Variants in UPP2 observed in about 807,000 individuals in gnomAD.
The protein encoded by UPP2 is uridine phosphorylase 2.
In UPP2, 23 loss-of-function variants were observed where a neutral mutation model predicts 26.7. The observed-to-expected ratio is 0.86, with a 90% CI of 0.62 to 1.22. The LOEUF is 1.22. Among genes scored for constraint, UPP2 ranks in the 50% most tolerant of loss-of-function variants. The probability of loss-of-function intolerance (pLI) is 0.00; values close to 1 mark genes in which losing one functional copy is unlikely to be tolerated. For missense variants in UPP2, 387 were observed against 396.7 expected (o/e 0.98, Z 0.21); for synonymous variants, 127 against 141.3 (o/e 0.90, Z 0.72).
chr2:158,013,822 T>C (rs1207309026), intron 2 of UPP2, among the ~76,000 whole-genome samples: 1 of 152,206 alleles, frequency 6.6e-6, no homozygotes, highest in East Asian at 1.9e-4. Flanking sequence ...AAGAAAGCTT[T>C]GTGCGGCTTG....
intron 3 of UPP2, among the ~76,000 whole-genome samples, chr2:158,087,965 T>A (rs902183280): frequency 2.6e-5 from 4 of 152,168 alleles, no homozygotes; most frequent in African/African-American, 9.7e-5. Flanking sequence ...TATGCTGAGG[T>A]GATAGTCTTT....
intron 6 of UPP2, among the ~76,000 whole-genome samples, chr2:158,128,336 C>T (rs1683736298): frequency 6.6e-6 from 1 of 152,104 alleles, no homozygotes; most frequent in African/African-American, 2.4e-5. Context: ...TCTGCTGTTC[C>T]CAACAATGAA....
At chr2:158,128,491 C>T (rs530822592) in intron 6 of UPP2, among the ~76,000 whole-genome samples, 1 of 152,260 alleles carries the variant, frequency 6.6e-6, no homozygotes, top group South Asian at 2.1e-4. Context: ...AATCTTTAGG[C>T]CAGGGTACAA....
At chr2:158,105,008 AGGGG>A (rs1683159125) in intron 1 of UPP2, among the ~76,000 whole-genome samples, 1 of 4,680 alleles carries the variant, frequency 2.1e-4, no homozygotes. Context: ...AGGGGAGGGG[AGGGG>A]AGGGGAGGGG....
rs80184990 is a variant in UPP2 at position 158,123,718 on chromosome 2, A to G, written c.665-31A>G. 3.3e-3 allele frequency: 5,369 copies of G among 1,604,616 alleles called. 34 individuals carry two copies. Among genetic ancestry groups the G allele is most frequent in the Middle Eastern group, 0.026 (150 of 5,866 alleles). ...GCCACTGTCAGTGGGGTGGGACATC[A>G]AGTCACTAAACGTTCTCCCCTCCCT... On this transcript the variant is annotated intron_variant, in intron 5 of 6. Coordinates refer to ENST00000005756, the MANE Select transcript of UPP2 (RefSeq NM_173355.4).
intron 3 of UPP2, among the ~76,000 whole-genome samples, chr2:158,016,137 AACT>A (rs1255506930): frequency 6.7e-6 from 1 of 150,374 alleles, no homozygotes; most frequent in African/African-American, 2.5e-5. Flanking sequence ...AAAAAAAAAA[AACT>A]AACAGATTTT....
At chr2:158,073,553 C>T (rs145957055) in intron 3 of UPP2, among the ~76,000 whole-genome samples, 1 of 152,034 alleles carries the variant, frequency 6.6e-6, no homozygotes, top group Non-Finnish European at 1.5e-5. Context: ...TAATCAAACT[C>T]CCAAAGATCA....
intron 3 of UPP2, among the ~76,000 whole-genome samples, 164 bp from the exon 4 acceptor site, chr2:158,117,660 T>G (rs1683469339): frequency 6.6e-6 from 1 of 151,974 alleles, no homozygotes; most frequent in African/African-American, 2.4e-5. Context: ...GCATGTCATG[T>G]AGGTGCCAAT....
chr2:158,007,596 G>A (rs529265664), intron 2 of UPP2, among the ~76,000 whole-genome samples: 2 of 152,048 alleles, frequency 1.3e-5, no homozygotes, highest in African/African-American at 2.4e-5. Context: ...TTGCTAAGAG[G>A]AGCGTGGGTT....
intron 6 of UPP2, among the ~76,000 whole-genome samples, chr2:158,128,899 A>C (rs1683748649): frequency 1.3e-5 from 2 of 151,498 alleles, no homozygotes; most frequent in African/African-American, 4.9e-5. Context: ...CTTATTTTAT[A>C]GTATGCAGAG....
At chr2:158,016,146 A>AT (rs57865237) in intron 3 of UPP2, among the ~76,000 whole-genome samples, 16,645 of 149,124 alleles carry the variant, frequency 0.11, 1,231 homozygotes, top group East Asian at 0.29. Flanking sequence ...AAACTAACAG[A>AT]TTTTTTTTTT....
chr2:158,070,924 C>A (rs779324450), intron 3 of UPP2, among the ~76,000 whole-genome samples: 60 of 152,260 alleles, frequency 3.9e-4, no homozygotes, highest in Non-Finnish European at 7.6e-4. Context: ...TCTGCCATGG[C>A]AGAGAGCAAA....
intron 6 of UPP2, chr2:158,133,829 T>A (rs949271745): frequency 1.3e-5 from 2 of 152,218 alleles, no homozygotes; most frequent in Non-Finnish European, 2.9e-5. Flanking sequence ...CAATCACATA[T>A]GTACTGAAAT....
intron 2 of UPP2, among the ~76,000 whole-genome samples, chr2:158,014,943 T>C (rs907505339): frequency 7.2e-5 from 11 of 152,212 alleles, no homozygotes. Flanking sequence ...TTCTGATATG[T>C]AGGAAGCAGA....
intron 3 of UPP2, among the ~76,000 whole-genome samples, chr2:158,051,899 A>G (rs1175916492): frequency 6.6e-6 from 1 of 152,180 alleles, no homozygotes; most frequent in African/African-American, 2.4e-5. Flanking sequence ...TCTCATTCCC[A>G]TTCTGTGGAG....
At chr2:158,085,382 A>C (rs1210963535) in intron 3 of UPP2, among the ~76,000 whole-genome samples, 1 of 152,140 alleles carries the variant, frequency 6.6e-6, no homozygotes, top group South Asian at 2.1e-4. Flanking sequence ...TTCATTTATC[A>C]GTTCTAGGAA....
intron 3 of UPP2, among the ~76,000 whole-genome samples, chr2:158,068,431 T>C (rs79952191): frequency 0.027 from 4,058 of 152,196 alleles, 183 homozygotes; most frequent in African/African-American, 0.092. Flanking sequence ...TGATTTTATG[T>C]AAATGAGCAA....
intron 2 of UPP2, among the ~76,000 whole-genome samples, chr2:158,110,006 G>T (rs187295846): frequency 6.6e-6 from 1 of 152,024 alleles, no homozygotes; most frequent in Non-Finnish European, 1.5e-5. Flanking sequence ...TGGAAAAGAA[G>T]AAATATTTTT....
chr2:158,083,861 TG>T lies in UPP2; in HGVS notation c.148-18178del, dbSNP rs71422276. ...ATGTTTATGTCTGTTTATATATATA[TG>T]TTTTTTATATATATATATATATCTC... On this transcript the variant is annotated intron_variant, in intron 3 of 9. Coordinates refer to the UPP2 transcript ENST00000605860. Among the ~76,000 whole-genome samples, 86 of 134,502 alleles carry T rather than the reference TG, an allele frequency of 6.4e-4. 1 individual carries two copies. Among genetic ancestry groups the T allele is most frequent in the African/African-American group, 2.4e-3 (79 of 33,454 alleles). 88.2% of individuals were successfully genotyped at this position (134,502 alleles called of 152,430 possible).
Sources: gnomAD v4.1 joint callset for allele counts (sites outside exome capture counted in the v4.1 genomes callset) on GRCh38, gnomAD v4.1.1 for gene constraint, MANE v1.5 for transcripts, NCBI Gene and HGNC (gene_info 2026-07-23, HGNC 2026-07-21) for gene names.